The following LHFPL3 variants were observed in gnomAD, a reference collection of about 807,000 sequenced individuals.
The protein encoded by LHFPL3 is LHFPL tetraspan subfamily member 3 protein.
LHFPL3 carries 5 observed loss-of-function variants against 19.3 expected under a neutral mutation model. That is an observed-to-expected ratio of 0.26 (90% CI 0.14 to 0.54). The LOEUF is 0.54. Among genes scored for constraint, LHFPL3 ranks in the 20% least tolerant of loss-of-function variants. LHFPL3 has a pLI of 0.94. For synonymous variants in LHFPL3, 133 were observed against 126.2 expected, an observed-to-expected ratio of 1.05 and a Z score of -0.36; for missense variants, 249 against 307.4, an observed-to-expected ratio of 0.81 and a Z score of 1.42.
intron 1 of LHFPL3, chr7:104,470,033 T>G (rs1792877519): frequency 2.2e-6 from 1 of 455,870 alleles, no homozygotes; most frequent in Admixed American, 2.4e-5. Flanking sequence ...TGTGTGAACT[T>G]CGGGTGTTTA....
intron 2 of LHFPL3, among the ~76,000 whole-genome samples, chr7:104,789,334 C>T (rs1789979276): frequency 6.6e-6 from 1 of 152,136 alleles, no homozygotes; most frequent in African/African-American, 2.4e-5. Context: ...CTAACTCAGT[C>T]TTGGGGACAG....
In LHFPL3 at chr7:104,859,124, A is replaced by G. The variant is rs1039894363; in HGVS notation, c.683-47063A>G. On this transcript the variant is annotated intron_variant, in intron 2 of 2. Transcript: ENST00000424859. ...CTAAAAAAAAATACAAAAATTAGCC[A>G]GGCGTGTTGGCAGGTGCCTGTAATC... Among the ~76,000 whole-genome samples the G allele has an allele frequency of 1.1e-4, 17 of 151,840 alleles. No homozygotes were observed. The East Asian group carries it at 3.3e-3, about 30-fold the overall frequency.
rs934691859 is a variant in LHFPL3 at position 104,769,609 on chromosome 7, G to GC, written c.682+32705dup. On this transcript the variant is annotated intron_variant, in intron 2 of 2. Coordinates refer to ENST00000424859, the MANE Select transcript of LHFPL3 (RefSeq NM_199000.3). ...TTCTGCTAATGCTGTCCCTCTTTTA[G>GC]CCCCCCCAACCCCCGACAGGCCCCG... Among the ~76,000 whole-genome samples, 25 of 148,784 alleles carry GC rather than the reference G, an allele frequency of 1.7e-4. No homozygotes were observed. In the South Asian group the frequency reaches 3.9e-3, roughly 23 times the overall value.
In LHFPL3 at chr7:104,416,831, G is replaced by A. The variant is rs76303229; in HGVS notation, c.445+87607G>A. On this transcript the variant is annotated intron_variant, in intron 1 of 2. Transcript: ENST00000424859. Reference sequence around the variant, plus strand: ...TGGCTCACAGTTCTGGAGGCTAGAAGGTCCAAGATTGAGTGGATGCATATG... The same window carrying A: ...TGGCTCACAGTTCTGGAGGCTAGAAAGTCCAAGATTGAGTGGATGCATATG... Among the ~76,000 whole-genome samples the A allele has an allele frequency of 8.3e-3, 1,269 of 152,264 alleles. 76 individuals are homozygous for A. In the East Asian group the frequency reaches 0.16, roughly 19 times the overall value.
At chr7:104,893,777 C>A (rs999079108) in intron 2 of LHFPL3, among the ~76,000 whole-genome samples, 20 of 151,892 alleles carry the variant, frequency 1.3e-4, no homozygotes, top group African/African-American at 4.6e-4. Context: ...CATGGTGAAA[C>A]CCCATCTCTA....
intron 1 of LHFPL3, among the ~76,000 whole-genome samples, chr7:104,625,841 A>T (rs1034562233): frequency 6.6e-6 from 1 of 152,172 alleles, no homozygotes; most frequent in Non-Finnish European, 1.5e-5. Flanking sequence ...ACCAAATACA[A>T]TGAAGGATTA....
At chr7:104,526,421 G>A (rs1419440420) in intron 1 of LHFPL3, among the ~76,000 whole-genome samples, 1 of 152,190 alleles carries the variant, frequency 6.6e-6, no homozygotes, top group African/African-American at 2.4e-5. Context: ...GGAGCATTTT[G>A]CATAAAAATA....
intron 1 of LHFPL3, among the ~76,000 whole-genome samples, chr7:104,421,488 T>G (rs1791732203): frequency 6.6e-6 from 1 of 152,112 alleles, no homozygotes; most frequent in Admixed American, 6.5e-5. Context: ...TGGGAAAAAG[T>G]CACTGGAAAG....
chr7:104,590,996 C>T (rs893014579), intron 1 of LHFPL3, among the ~76,000 whole-genome samples: 4 of 152,084 alleles, frequency 2.6e-5, no homozygotes, highest in Non-Finnish European at 5.9e-5. Context: ...TTAATTTGAG[C>T]TTGTGTGTGT....
intron 2 of LHFPL3, among the ~76,000 whole-genome samples, chr7:104,862,264 A>G (rs187913419): frequency 1.1e-4 from 16 of 152,286 alleles, no homozygotes; most frequent in Admixed American, 9.2e-4. Context: ...GCTAGTTAGA[A>G]TCCCCTATGC....
intron 2 of LHFPL3, among the ~76,000 whole-genome samples, chr7:104,750,649 A>C (rs1794146509): frequency 6.6e-6 from 1 of 152,268 alleles, no homozygotes; most frequent in Non-Finnish European, 1.5e-5. Flanking sequence ...CCCTGGAAGC[A>C]GAGAGACTGC....
chr7:104,334,422 C>G (rs1283975393), intron 1 of LHFPL3, among the ~76,000 whole-genome samples: 1 of 152,176 alleles, frequency 6.6e-6, no homozygotes, highest in African/African-American at 2.4e-5. Flanking sequence ...TGGCGTACAC[C>G]TGTAATCCCA....
At chr7:104,785,451 C>G (rs1366434458) in intron 2 of LHFPL3, 1 of 152,304 alleles carries the variant, frequency 6.6e-6, no homozygotes, top group Non-Finnish European at 1.5e-5. Context: ...CAACTCGAAG[C>G]TTCAAGAGCC....
chr7:104,673,901 G>T (rs1792534891), intron 1 of LHFPL3, among the ~76,000 whole-genome samples: 1 of 152,112 alleles, frequency 6.6e-6, no homozygotes, highest in Admixed American at 6.6e-5. Context: ...GATTCTTAAT[G>T]CTCATCTGCA....
intron 1 of LHFPL3, among the ~76,000 whole-genome samples, chr7:104,736,041 A>T (rs1367763913): frequency 1.3e-5 from 2 of 152,018 alleles, no homozygotes; most frequent in African/African-American, 4.8e-5. Context: ...TTTTTTGAGG[A>T]TCCTCCATGT....
chr7:104,613,257 C>T (rs1010018518), intron 1 of LHFPL3, among the ~76,000 whole-genome samples: 1 of 152,156 alleles, frequency 6.6e-6, no homozygotes, highest in African/African-American at 2.4e-5. Context: ...ATGCCAGAGC[C>T]TCAGAACTCT....
intron 2 of LHFPL3, among the ~76,000 whole-genome samples, chr7:104,899,877 AC>A (rs1330339557): frequency 6.6e-6 from 1 of 152,088 alleles, no homozygotes; most frequent in African/African-American, 2.4e-5. Flanking sequence ...GATTACAAGC[AC>A]CTGCCACCAT....
At chr7:104,834,861 C>G (rs1461293265) in intron 2 of LHFPL3, among the ~76,000 whole-genome samples, 1 of 151,992 alleles carries the variant, frequency 6.6e-6, no homozygotes, top group African/African-American at 2.4e-5. Flanking sequence ...GTTCTCTAAT[C>G]ACTTAGGTCC....
chr7:104,707,887 T>A (rs1793221890), intron 1 of LHFPL3, among the ~76,000 whole-genome samples: 1 of 152,218 alleles, frequency 6.6e-6, no homozygotes, highest in African/African-American at 2.4e-5. Flanking sequence ...AATTCAAGTC[T>A]GACCAAAGCT....
Sources: allele counts gnomAD v4.1 joint callset (sites outside exome capture counted in the v4.1 genomes callset), GRCh38; gene constraint gnomAD v4.1.1; transcripts MANE v1.5; gene names NCBI Gene and HGNC (gene_info 2026-07-23, HGNC 2026-07-21).